Variants in PIK3C2G observed in about 807,000 individuals in gnomAD.
The protein encoded by PIK3C2G is phosphatidylinositol-4-phosphate 3-kinase catalytic subunit type 2 gamma, also known as phosphatidylinositol 3-kinase C2 domain-containing subunit gamma.
PIK3C2G carries 168 observed loss-of-function variants against 181.1 expected under a neutral mutation model. The ratio of observed to expected loss-of-function variants is 0.93; its 90% CI spans 0.82 to 1.05. The LOEUF (loss-of-function observed/expected upper bound fraction) is 1.05. PIK3C2G is among the 50% of genes least tolerant of loss of function. The pLI, the probability that PIK3C2G is intolerant of heterozygous loss-of-function variation, is 0.00. For synonymous variants in PIK3C2G, 573 were observed against 592.2 expected (o/e 0.97, Z 0.47); for missense variants, 1,869 against 1,732.8 (o/e 1.08, Z -1.40).
At chr12:18,546,989 G>C (rs1169203026) in intron 26 of PIK3C2G, among the ~76,000 whole-genome samples, 1 of 151,858 alleles carries the variant, frequency 6.6e-6, no homozygotes, top group Non-Finnish European at 1.5e-5. Context: ...AGATCTTTTT[G>C]AATTTTTCTT....
chr12:18,268,096 T>C (rs1273936982), intron 1 of PIK3C2G, among the ~76,000 whole-genome samples: 1 of 151,904 alleles, frequency 6.6e-6, no homozygotes, highest in Non-Finnish European at 1.5e-5. Context: ...TTCTTTACCA[T>C]TTTTTCAGGC....
chr12:18,565,710 C>A (rs1017041717), intron 28 of PIK3C2G, among the ~76,000 whole-genome samples: 4 of 152,106 alleles, frequency 2.6e-5, no homozygotes, highest in Non-Finnish European at 5.9e-5. Flanking sequence ...TATTATAGAA[C>A]CATTCCTCAA....
chr12:18,292,568 A>G (rs1258457757), intron 4 of PIK3C2G, among the ~76,000 whole-genome samples: 1 of 152,044 alleles, frequency 6.6e-6, no homozygotes, highest in African/African-American at 2.4e-5. Flanking sequence ...AATCAGAAAG[A>G]CCATAGGTTG....
chr12:18,637,400 A>ACT (rs1555159332), intron 31 of PIK3C2G, among the ~76,000 whole-genome samples: 2 of 146,798 alleles, frequency 1.4e-5, no homozygotes, highest in Non-Finnish European at 3.0e-5. Flanking sequence ...TGACCTAGAT[A>ACT]TTTTTTTTTT....
chr12:18,462,162 G>T (rs1288523627), intron 18 of PIK3C2G, among the ~76,000 whole-genome samples: 2 of 152,200 alleles, frequency 1.3e-5, no homozygotes, highest in Admixed American at 6.6e-5. Context: ...GAGTGGAGGA[G>T]TGGGCGCATT....
intron 17 of PIK3C2G, among the ~76,000 whole-genome samples, chr12:18,421,616 C>T (rs928628549): frequency 6.6e-6 from 1 of 151,974 alleles, no homozygotes; most frequent in African/African-American, 2.4e-5. Flanking sequence ...AAACATGCCA[C>T]ACATGACCAT....
At chr12:18,377,638 G>A (rs904324508) in intron 13 of PIK3C2G, among the ~76,000 whole-genome samples, 1 of 152,086 alleles carries the variant, frequency 6.6e-6, no homozygotes. Context: ...GGTAATAAAG[G>A]CAGGCTCCAG....
At chr12:18,622,940 T>A (rs553862011) in intron 31 of PIK3C2G, among the ~76,000 whole-genome samples, 47 of 151,988 alleles carry the variant, frequency 3.1e-4, no homozygotes, top group African/African-American at 1.1e-3. Context: ...ATAATTTGGA[T>A]ATTAATTCCT....
chr12:18,579,637 G>C (rs1946396039), intron 29 of PIK3C2G, among the ~76,000 whole-genome samples: 1 of 152,116 alleles, frequency 6.6e-6, no homozygotes, highest in South Asian at 2.1e-4. Context: ...GAGTTGATCA[G>C]TTTAGACATC....
chr12:18,618,945 G>A (rs926564002), intron 31 of PIK3C2G, among the ~76,000 whole-genome samples: 1 of 151,960 alleles, frequency 6.6e-6, no homozygotes, highest in African/African-American at 2.4e-5. Context: ...CAGAAGATTG[G>A]GAGTCTGTTG....
the PIK3C2G span, among the ~76,000 whole-genome samples, chr12:18,656,669 A>G: frequency 6.6e-6 from 1 of 152,128 alleles, no homozygotes; most frequent in African/African-American, 2.4e-5. Context: ...CAGGAGTTCA[A>G]GTTAGCAGTG....
intron 26 of PIK3C2G, among the ~76,000 whole-genome samples, chr12:18,561,457 T>C (rs1276329570): frequency 1.3e-5 from 2 of 152,118 alleles, no homozygotes; most frequent in East Asian, 3.9e-4. Flanking sequence ...CCAGCCTGGG[T>C]GACAGAGTAA....
chr12:18,375,222 T>A (rs1942352410), intron 13 of PIK3C2G, among the ~76,000 whole-genome samples: 1 of 152,176 alleles, frequency 6.6e-6, no homozygotes, highest in Non-Finnish European at 1.5e-5. Flanking sequence ...AAAATGCTGA[T>A]AGTGATATAG....
chr12:18,446,410 T>C (rs1947032099), intron 18 of PIK3C2G, among the ~76,000 whole-genome samples: 1 of 152,150 alleles, frequency 6.6e-6, no homozygotes, highest in South Asian at 2.1e-4. Context: ...CCTCCCTAAC[T>C]GTGGGACTCT....
the PIK3C2G span, chr12:18,694,143 G>T: frequency 1.2e-6 from 1 of 805,552 alleles, no homozygotes; most frequent in Non-Finnish European, 2.0e-6. Flanking sequence ...TGATTTCTCA[G>T]TCCCTGAAAG....
chr12:18,675,756 G>A, the PIK3C2G span, among the ~76,000 whole-genome samples: 2 of 151,828 alleles, frequency 1.3e-5, no homozygotes, highest in Non-Finnish European at 2.9e-5. Context: ...ATTATTTTAA[G>A]TGAAATAACT....
the PIK3C2G span, among the ~76,000 whole-genome samples, chr12:18,726,777 TAAAATTACACTA>T: frequency 6.6e-6 from 1 of 152,188 alleles, no homozygotes; most frequent in East Asian, 1.9e-4. Flanking sequence ...TGGTTGTATC[TAAAATTACACTA>T]AAAATAAAGC....
chr12:18,699,945 C>T, the PIK3C2G span: 297 of 1,608,720 alleles, frequency 1.8e-4, 1 homozygote, highest in African/African-American at 3.6e-3. Context: ...TTTTTAGCTT[C>T]CTGGTCTAAA....
At chr12:18,344,301 T>C (rs1026149006) in intron 10 of PIK3C2G, among the ~76,000 whole-genome samples, 1 of 151,920 alleles carries the variant, frequency 6.6e-6, no homozygotes, top group Non-Finnish European at 1.5e-5. Flanking sequence ...CAAAAGTATA[T>C]CCTCTCAACT....
Sources: allele counts gnomAD v4.1 joint callset (sites outside exome capture counted in the v4.1 genomes callset), GRCh38; gene constraint gnomAD v4.1.1; transcripts MANE v1.5; gene names NCBI Gene and HGNC (gene_info 2026-07-23, HGNC 2026-07-21).